Variants in APLF observed in about 807,000 individuals in gnomAD.
APLF encodes aprataxin and PNK-like factor.
In APLF, 61 loss-of-function variants were observed where a neutral mutation model predicts 55.6. That is an observed-to-expected ratio of 1.10 (90% CI 0.89 to 1.36). The LOEUF is 1.36. Ranked by LOEUF, APLF falls within the 40% of genes most tolerant of loss-of-function variation. The pLI is 0.00. For missense variants in APLF, 611 were observed against 602.5 expected (o/e 1.01, Z -0.15); for synonymous variants, 207 against 214.8 (o/e 0.96, Z 0.32).
At chr2:68,528,245 T>C (rs1670137848) in intron 6 of APLF, 1 of 1,245,216 alleles carries the variant, frequency 8.0e-7, no homozygotes, top group Admixed American at 2.0e-5. Context: ...CCTGCCCTGC[T>C]GTCTCTTCTT....
At chr2:68,531,095 T>C (rs1280901301) in intron 6 of APLF, among the ~76,000 whole-genome samples, 1 of 152,252 alleles carries the variant, frequency 6.6e-6, no homozygotes, top group Non-Finnish European at 1.5e-5. Context: ...ACAGTATTTC[T>C]AGACCTTCTT....
intron 3 of APLF, among the ~76,000 whole-genome samples, chr2:68,503,221 C>T (rs967840058): frequency 3.3e-5 from 5 of 152,050 alleles, no homozygotes; most frequent in African/African-American, 4.8e-5. Context: ...ATAGTTAATT[C>T]GAAATTGACT....
chr2:68,542,048 AT>A (rs531016455), intron 7 of APLF, among the ~76,000 whole-genome samples: 2 of 152,320 alleles, frequency 1.3e-5, no homozygotes, highest in South Asian at 4.1e-4. Context: ...GAAAGGACAG[AT>A]TTTTTTCAAT....
chr2:68,577,752 AG>A (rs1318826384), intron 9 of APLF, 67 bp from the exon 10 acceptor site: 4 of 1,552,108 alleles, frequency 2.6e-6, no homozygotes, highest in Non-Finnish European at 3.5e-6. Context: ...GACATTTTAT[AG>A]GTAGATGTCT....
At chr2:68,503,459 A>C (rs980996730) in intron 3 of APLF, among the ~76,000 whole-genome samples, 11 of 152,180 alleles carry the variant, frequency 7.2e-5, no homozygotes, top group African/African-American at 2.2e-4. Flanking sequence ...TTTAAATTAT[A>C]GAATGGATAA....
intron 7 of APLF, among the ~76,000 whole-genome samples, chr2:68,542,586 A>G (rs991387722): frequency 6.6e-5 from 10 of 152,214 alleles, no homozygotes; most frequent in Non-Finnish European, 1.5e-4. Flanking sequence ...AATGCAGACC[A>G]TAACCACATT....
intron 4 of APLF, 72 bp from the exon 5 acceptor site, chr2:68,513,476 T>G: frequency 6.5e-7 from 1 of 1,534,868 alleles, no homozygotes; most frequent in Non-Finnish European, 8.9e-7. Flanking sequence ...GGTAGTATTC[T>G]GCAAAGCAGA....
chr2:68,519,636 G>C (rs922745614), intron 5 of APLF, among the ~76,000 whole-genome samples: 6 of 148,132 alleles, frequency 4.1e-5, no homozygotes. Context: ...AGATGTTATT[G>C]ACAAAAAAAA....
At chr2:68,542,645 G>GA (rs1459672970) in intron 7 of APLF, among the ~76,000 whole-genome samples, 1 of 152,044 alleles carries the variant, frequency 6.6e-6, no homozygotes, top group African/African-American at 2.4e-5. Flanking sequence ...AAAACGAAAT[G>GA]AAAAACAAGT....
Position 68,567,396 on chromosome 2 carries a change from GT to G in APLF, c.1333+12del. ...ACATAATACGCTTCCAGGTAAGTAA[GT>G]TTACTTCAGAAAATTCAAAATGAAA... On this transcript the variant is annotated intron_variant, in intron 9 of 9. Transcript: ENST00000303795. 6.3e-7 allele frequency: 1 copy of G among 1,582,332 alleles called. No individual in the cohort carries two copies. Among genetic ancestry groups the G allele is most frequent in the South Asian group, 1.2e-5 (1 of 86,870 alleles).
intron 1 of APLF, among the ~76,000 whole-genome samples, chr2:68,471,111 A>G (rs1438745472): frequency 6.6e-6 from 1 of 152,184 alleles, no homozygotes; most frequent in Non-Finnish European, 1.5e-5. Context: ...AGCACACAGT[A>G]GGCCTTTAAC....
At chr2:68,549,437 T>A (rs1670794929) in intron 8 of APLF, among the ~76,000 whole-genome samples, 2 of 152,134 alleles carry the variant, frequency 1.3e-5, no homozygotes, top group Non-Finnish European at 2.9e-5. Context: ...TATTTATAAA[T>A]GTTTGAGAAT....
intron 5 of APLF, among the ~76,000 whole-genome samples, chr2:68,520,943 C>T (rs866881219): frequency 6.2e-4 from 94 of 152,128 alleles, no homozygotes; most frequent in African/African-American, 2.0e-3. Flanking sequence ...TTCTACCGAT[C>T]CATAAGCATG....
intron 2 of APLF, among the ~76,000 whole-genome samples, chr2:68,490,799 A>C (rs1429712628): frequency 6.6e-6 from 1 of 152,212 alleles, no homozygotes; most frequent in Non-Finnish European, 1.5e-5. Context: ...ATGCAGGGAC[A>C]GCCAGTTTCC....
At chr2:68,495,416 C>G (rs1676514256) in intron 2 of APLF, among the ~76,000 whole-genome samples, 1 of 152,238 alleles carries the variant, frequency 6.6e-6, no homozygotes, top group African/African-American at 2.4e-5. Context: ...AGTCTCAAAG[C>G]TCCAAAGTAA....
intron 8 of APLF, among the ~76,000 whole-genome samples, chr2:68,557,204 C>T (rs894142761): frequency 3.3e-5 from 5 of 152,138 alleles, no homozygotes; most frequent in African/African-American, 7.2e-5. Flanking sequence ...TCCTTCCATG[C>T]ACTTTAAATC....
At chr2:68,568,410 A>G (rs1671365453) in intron 9 of APLF, 3 of 730,490 alleles carry the variant, frequency 4.1e-6, no homozygotes, top group Non-Finnish European at 5.0e-6. Flanking sequence ...TTTCTTATTG[A>G]AACACACTTT....
Position 68,518,445 on chromosome 2 carries a change from A to G in APLF, c.622+4765A>G, listed in dbSNP as rs1310754775. Among the ~76,000 whole-genome samples the G allele has an allele frequency of 4.4e-5, 5 of 113,766 alleles. No individual in the cohort carries two copies. In the East Asian group the frequency reaches 7.5e-4, roughly 17 times the overall value. 74.6% of individuals were successfully genotyped at this position (113,766 alleles called of 152,430 possible). On this transcript the variant is annotated intron_variant, in intron 5 of 9. Transcript: ENST00000303795. ...AATAATTTATTATATAATATATAAT[A>G]ATATATTATATATTATATAACATAT...
intron 6 of APLF, among the ~76,000 whole-genome samples, chr2:68,537,135 A>G (rs1025031663): frequency 1.3e-5 from 2 of 151,396 alleles, no homozygotes; most frequent in Middle Eastern, 3.2e-3. Flanking sequence ...ACCACACTCC[A>G]GGTTGGGAGA....
Sources: gnomAD v4.1 joint callset for allele counts (sites outside exome capture counted in the v4.1 genomes callset) on GRCh38, gnomAD v4.1.1 for gene constraint, MANE v1.5 for transcripts, NCBI Gene and HGNC (gene_info 2026-07-23, HGNC 2026-07-21) for gene names.